FHOD3: variants seen among roughly 807,000 people sequenced by gnomAD.
FHOD3 encodes the protein FH1/FH2 domain-containing protein 3.
FHOD3 carries 90 observed loss-of-function variants against 173.0 expected under a neutral mutation model. That is an observed-to-expected ratio of 0.52 (90% CI 0.44 to 0.62). The LOEUF is 0.62. FHOD3 is among the 20% of genes least tolerant of loss of function. FHOD3 has a pLI of 0.00. For missense variants in FHOD3, 1,945 were observed against 2,034.7 expected (o/e 0.96, Z 0.85); for synonymous variants, 828 against 823.0 (o/e 1.01, Z -0.10).
At chr18:36,597,907 C>T (rs970661874) in intron 7 of FHOD3, among the ~76,000 whole-genome samples, 2 of 152,120 alleles carry the variant, frequency 1.3e-5, no homozygotes, top group African/African-American at 2.4e-5. Context: ...GTGGTCTTGG[C>T]TGTGATTTTA....
rs1347931357 is a variant in FHOD3 at position 36,760,939 on chromosome 18, C to T, written c.4624+157C>T. On this transcript the variant is annotated intron_variant, in intron 27 of 28. Coordinates refer to ENST00000590592, the MANE Select transcript of FHOD3 (RefSeq NM_001281740.3). ...ATTCCCTCACTAGCGTCTTCCTGAC[C>T]CACCTTCAATAGCTTCATCTCCAAA... is the stretch of plus-strand genomic sequence containing the variant. Among the ~76,000 whole-genome samples the T allele has an allele frequency of 3.9e-5, 6 of 152,340 alleles. No individual in the cohort carries two copies. The South Asian group carries it at 1.2e-3, about 32-fold the overall frequency.
chr18:36,306,586 C>T (rs369336343), intron 1 of FHOD3, among the ~76,000 whole-genome samples: 2 of 152,248 alleles, frequency 1.3e-5, no homozygotes, highest in East Asian at 3.8e-4. Flanking sequence ...CATATCACTC[C>T]TCTGCTCCAA....
At chr18:36,657,927 C>G in intron 13 of FHOD3, 148 bp from the exon 14 acceptor site, 3 of 559,656 alleles carry the variant, frequency 5.4e-6, no homozygotes, top group Non-Finnish European at 9.2e-6. Flanking sequence ...GGGAACAAAC[C>G]TCTTTAGGTA....
chr18:36,297,771 C>A lies in FHOD3; in HGVS notation c.-65C>A. 1.4e-6 allele frequency: 2 copies of A among 1,391,508 alleles called. No individual in the cohort carries two copies. The highest frequency in any genetic ancestry group is 1.9e-6 in the Non-Finnish European group (2 of 1,057,436). 86.2% of individuals were successfully genotyped at this position (1,391,508 alleles called of 1,614,324 possible). A position where few individuals can be genotyped will look rare whatever the true frequency, so the allele number is the denominator to read the frequency against. On this transcript the variant is annotated 5_prime_UTR_variant, in exon 1 of 29. Coordinates refer to ENST00000590592, the MANE Select transcript of FHOD3 (RefSeq NM_001281740.3). Reference sequence around the variant, plus strand: ...CTGCGGCCTCCCCTGCGCGCAGCTACCCGGGCGTCCCGGCCCGCGGCCCCG... The same window carrying A: ...CTGCGGCCTCCCCTGCGCGCAGCTAACCGGGCGTCCCGGCCCGCGGCCCCG...
At chr18:36,588,667 T>C (rs559741249) in intron 6 of FHOD3, among the ~76,000 whole-genome samples, 4 of 152,344 alleles carry the variant, frequency 2.6e-5, no homozygotes, top group South Asian at 4.1e-4. Context: ...TTTGACCTGC[T>C]AAGTATAGTT....
At chr18:36,675,115 T>C (rs1385727491) in intron 14 of FHOD3, among the ~76,000 whole-genome samples, 1 of 152,140 alleles carries the variant, frequency 6.6e-6, no homozygotes, top group Non-Finnish European at 1.5e-5. Context: ...TTGTCAGCCA[T>C]AGGACAGGCC....
At position 36,359,822 on chromosome 18, in the gene FHOD3, C is replaced by T. The variant is rs557300907; in HGVS notation, c.272+4177C>T. On this transcript the variant is annotated intron_variant, in intron 2 of 28. Transcript: ENST00000590592. ...ATAATACTGCCTCTTTGGGTTGTTTCGAAGTAAAATATGATAATGTATCTA... is the reference window on the plus strand; with the variant it reads ...ATAATACTGCCTCTTTGGGTTGTTTTGAAGTAAAATATGATAATGTATCTA... 1.2e-4 allele frequency among the ~76,000 whole-genome samples: 19 copies of T among 152,186 alleles called. No homozygotes were observed. The South Asian group carries it at 2.5e-3, about 20-fold the overall frequency.
At chr18:36,418,731 A>G (rs1400110219) in intron 3 of FHOD3, among the ~76,000 whole-genome samples, 2 of 152,128 alleles carry the variant, frequency 1.3e-5, no homozygotes, top group Non-Finnish European at 1.5e-5. Context: ...CGTGGGCAAT[A>G]TGGTGAAACC....
At chr18:36,360,216 G>A (rs1446654034) in intron 2 of FHOD3, among the ~76,000 whole-genome samples, 1 of 152,264 alleles carries the variant, frequency 6.6e-6, no homozygotes, top group Non-Finnish European at 1.5e-5. Flanking sequence ...CCAGGTGGGA[G>A]TGTGGCTTGA....
intron 15 of FHOD3, among the ~76,000 whole-genome samples, chr18:36,682,153 C>T (rs1168320475): frequency 6.6e-6 from 1 of 152,116 alleles, no homozygotes; most frequent in Non-Finnish European, 1.5e-5. Flanking sequence ...GCCTGTCTGT[C>T]CCCACTGATC....
At chr18:36,367,301 G>GTAGCCT (rs1215315315) in intron 2 of FHOD3, among the ~76,000 whole-genome samples, 52 of 152,308 alleles carry the variant, frequency 3.4e-4, no homozygotes, top group African/African-American at 1.2e-3. Flanking sequence ...TGGCACTTGG[G>GTAGCCT]TAGCCTTGGC....
At chr18:36,498,948 A>C (rs937635665) in intron 3 of FHOD3, among the ~76,000 whole-genome samples, 1 of 152,226 alleles carries the variant, frequency 6.6e-6, no homozygotes, top group African/African-American at 2.4e-5. Context: ...TAGATGAATC[A>C]GAAACAATAA....
At chr18:36,648,742 C>T (rs563487569) in intron 10 of FHOD3, among the ~76,000 whole-genome samples, 1 of 152,270 alleles carries the variant, frequency 6.6e-6, no homozygotes, top group South Asian at 2.1e-4. Flanking sequence ...AGTGGAACTG[C>T]ACCCCTGAAA....
intron 11 of FHOD3, among the ~76,000 whole-genome samples, 164 bp downstream of exon 11, chr18:36,649,569 A>G (rs369637723): frequency 7.9e-5 from 12 of 152,294 alleles, no homozygotes; most frequent in African/African-American, 2.2e-4. Context: ...TTTTGTAGAA[A>G]TACCTGAGCA....
At chr18:36,406,214 T>C (rs1293515549) in intron 3 of FHOD3, among the ~76,000 whole-genome samples, 4 of 152,198 alleles carry the variant, frequency 2.6e-5, no homozygotes, top group South Asian at 4.1e-4. Context: ...CTGGGTCACC[T>C]GTCACACTGA....
At chr18:36,587,584 G>A (rs763645620) in intron 6 of FHOD3, among the ~76,000 whole-genome samples, 2 of 152,134 alleles carry the variant, frequency 1.3e-5, no homozygotes, top group Non-Finnish European at 2.9e-5. Flanking sequence ...CTGAGGTCGG[G>A]AGTTTGAGAC....
chr18:36,337,230 A>T (rs1385433530), intron 1 of FHOD3, among the ~76,000 whole-genome samples: 1 of 152,118 alleles, frequency 6.6e-6, no homozygotes, highest in African/African-American at 2.4e-5. Context: ...CAGACTCACA[A>T]ATGAGCTAAC....
At chr18:36,478,671 C>T (rs2053719639) in intron 3 of FHOD3, among the ~76,000 whole-genome samples, 1 of 152,156 alleles carries the variant, frequency 6.6e-6, no homozygotes, top group South Asian at 2.1e-4. Context: ...AGTGATTGTT[C>T]TAAAAGGTAC....
At chr18:36,679,897 CTTATTAATTGGGTT>C in intron 14 of FHOD3, among the ~76,000 whole-genome samples, 1 of 152,070 alleles carries the variant, frequency 6.6e-6, no homozygotes, top group Non-Finnish European at 1.5e-5. Context: ...TTAGATAAAA[CTTATTAATTGGGTT>C]AAACAAATCT....
Sources: allele counts gnomAD v4.1 joint callset (sites outside exome capture counted in the v4.1 genomes callset), GRCh38; gene constraint gnomAD v4.1.1; transcripts MANE v1.5; gene names NCBI Gene and HGNC (gene_info 2026-07-23, HGNC 2026-07-21).